PFKFB4: variants seen among roughly 807,000 people sequenced by gnomAD.
The protein encoded by PFKFB4 is 6-phosphofructo-2-kinase/fructose-2,6-bisphosphatase 4.
PFKFB4 carries 42 observed loss-of-function variants against 62.8 expected under a neutral mutation model. That is an observed-to-expected ratio of 0.67 (90% CI 0.52 to 0.86). The LOEUF is 0.86. Ranked by LOEUF, PFKFB4 falls within the 40% of genes least tolerant of loss-of-function variation. The probability of loss-of-function intolerance (pLI) is 0.00; values close to 1 mark genes in which losing one functional copy is unlikely to be tolerated. For missense variants in PFKFB4, 475 were observed against 627.2 expected, an observed-to-expected ratio of 0.76 and a Z score of 2.59; for synonymous variants, 204 against 240.7, an observed-to-expected ratio of 0.85 and a Z score of 1.41.
At chr3:48,528,775 T>C (rs945366092) in intron 9 of PFKFB4, among the ~76,000 whole-genome samples, 1 of 152,176 alleles carries the variant, frequency 6.6e-6, no homozygotes, top group African/African-American at 2.4e-5. Context: ...GGATACATAA[T>C]GTGTGGTATA....
chr3:48,532,726 C>T (rs1313472893), intron 9 of PFKFB4, among the ~76,000 whole-genome samples: 1 of 152,052 alleles, frequency 6.6e-6, no homozygotes, highest in East Asian at 1.9e-4. Flanking sequence ...GTGGTGTGCA[C>T]TTGTTAGTCC....
In PFKFB4 at chr3:48,519,681, AGGGCCT is replaced by A; in HGVS notation, c.*60_*65del. 1 of 1,165,008 alleles carries A rather than the reference AGGGCCT, an allele frequency of 8.6e-7. No homozygotes were observed. The highest frequency in any genetic ancestry group is 1.3e-6 in the Non-Finnish European group (1 of 774,178). 72.2% of individuals were successfully genotyped at this position (1,165,008 alleles called of 1,614,324 possible). A position where few individuals can be genotyped will look rare whatever the true frequency, so the allele number is the denominator to read the frequency against. ...GCATGGTGACTATCACACACACTGG[AGGGCCT>A]GGAATGACCCCCTCTGCAGAGAGCA... On this transcript the variant is annotated 3_prime_UTR_variant, in exon 14 of 14. Coordinates refer to ENST00000232375, the MANE Select transcript of PFKFB4 (RefSeq NM_004567.4).
chr3:48,543,793 C>T lies in PFKFB4; in HGVS notation c.312-147G>A, dbSNP rs889645032. 80 of 690,050 alleles carry T rather than the reference C, an allele frequency of 1.2e-4. No homozygotes were observed. The East Asian group carries it at 2.1e-3, about 19-fold the overall frequency. The allele number at this position is 690,050 out of a possible 1,614,324, so 42.7% of individuals were successfully genotyped here. A position where few individuals can be genotyped will look rare whatever the true frequency, so the allele number is the denominator to read the frequency against. On this transcript the variant is annotated intron_variant, in intron 3 of 13. Coordinates refer to ENST00000232375, the MANE Select transcript of PFKFB4 (RefSeq NM_004567.4). Reference sequence around the variant, plus strand: ...CTTTTCAAAGTTTCCCTTCTCTTTCCTTAGGATAATGTTCAGTGTTTGGCT... The same window carrying T: ...CTTTTCAAAGTTTCCCTTCTCTTTCTTTAGGATAATGTTCAGTGTTTGGCT...
intron 9 of PFKFB4, among the ~76,000 whole-genome samples, chr3:48,531,492 G>A (rs1336476841): frequency 6.7e-6 from 1 of 149,860 alleles, no homozygotes; most frequent in African/African-American, 2.5e-5. Context: ...CCAGGCTGGA[G>A]TGCAGTGGCG....
At chr3:48,546,330 C>T (rs1244226048) in intron 3 of PFKFB4, among the ~76,000 whole-genome samples, 3 of 152,042 alleles carry the variant, frequency 2.0e-5, no homozygotes, top group African/African-American at 4.8e-5. Context: ...CAAGCATATA[C>T]AGAGTATGCA....
chr3:48,546,018 CGT>C (rs145258700), intron 3 of PFKFB4, among the ~76,000 whole-genome samples: 32 of 150,596 alleles, frequency 2.1e-4, no homozygotes, highest in Admixed American at 5.3e-4. Flanking sequence ...TGTGTGTGTG[CGT>C]GTGTGTGTGT....
At position 48,535,594 on chromosome 3, in the gene PFKFB4, C is replaced by G. The variant is rs1258582305; in HGVS notation, c.905G>C (p.Ser302Thr). 6.2e-7 allele frequency: 1 copy of G among 1,613,952 alleles called. No individual in the cohort carries two copies. The highest frequency in any genetic ancestry group is 1.7e-5 in the Admixed American group (1 of 60,000). ...CGTCTGGATTGTCCTCTTCATCTGGCTTGTCCAGACCTTCAGATCCTTGAT... is the reference window on the plus strand; with the variant it reads ...CGTCTGGATTGTCCTCTTCATCTGGGTTGTCCAGACCTTCAGATCCTTGAT... The part of the protein sequence containing the change: ...QNIKDLKVWT[S>T]QMKRTIQTAE... The change falls in exon 9 of 14, where the codon AGC (serine) becomes ACC (threonine). Residue 302 changes from serine to threonine, a missense_variant. Coordinates refer to ENST00000232375, the MANE Select transcript of PFKFB4 (RefSeq NM_004567.4).
chr3:48,553,052 G>T (rs1459817881), intron 1 of PFKFB4, among the ~76,000 whole-genome samples: 1 of 152,192 alleles, frequency 6.6e-6, no homozygotes, highest in East Asian at 1.9e-4. Context: ...GCCAACTGAG[G>T]CACAACAAGG....
At chr3:48,548,067 T>G (rs949616340) in intron 3 of PFKFB4, 5 of 152,180 alleles carry the variant, frequency 3.3e-5, no homozygotes, top group African/African-American at 1.2e-4. Flanking sequence ...TGTTGCAGGG[T>G]GACCTTGGAC....
chr3:48,524,942 G>A (rs2042210599), intron 10 of PFKFB4, among the ~76,000 whole-genome samples: 1 of 152,102 alleles, frequency 6.6e-6, no homozygotes, highest in Non-Finnish European at 1.5e-5. Context: ...GCCAACTCAT[G>A]TGTGGAAGGT....
At chr3:48,524,838 G>A (rs993407886) in intron 10 of PFKFB4, among the ~76,000 whole-genome samples, 4 of 152,182 alleles carry the variant, frequency 2.6e-5, no homozygotes, top group Admixed American at 6.5e-5. Flanking sequence ...GGAAGTGGAA[G>A]GAGATGCCTC....
Position 48,556,368 on chromosome 3 carries a change from C to T in PFKFB4, c.97+313G>A, listed in dbSNP as rs993333008. The T allele has an allele frequency of 3.7e-6, 2 of 542,910 alleles. No individual in the cohort carries two copies. Among genetic ancestry groups the T allele is most frequent in the South Asian group, 1.8e-5 (1 of 54,086 alleles). 33.6% of individuals were successfully genotyped at this position (542,910 alleles called of 1,614,324 possible). A position where few individuals can be genotyped will look rare whatever the true frequency, so the allele number is the denominator to read the frequency against. ...CACAGGGTCCTCCCCAGACTGGGGG[C>T]GATGGGGATTGGAGAGGGAAGCGAG... On this transcript the variant is annotated intron_variant, in intron 1 of 13. Coordinates refer to ENST00000232375, the MANE Select transcript of PFKFB4 (RefSeq NM_004567.4). The surrounding 1 kb of genome is among the most constrained non-coding windows in gnomAD (Gnocchi z 5.7).
At chr3:48,559,720 A>G (rs1001678618), upstream of PFKFB4, 1 of 411,232 alleles carries the variant, frequency 2.4e-6, no homozygotes, top group African/African-American at 2.0e-5. Flanking sequence ...GCCTCTGCCC[A>G]CCATGAACCT....
chr3:48,536,663 C>T, intron 7 of PFKFB4, 200 bp from the exon 8 acceptor site: 1 of 559,436 alleles, frequency 1.8e-6, no homozygotes, highest in Non-Finnish European at 3.2e-6. Flanking sequence ...CAGGCAAACC[C>T]TGTGGGAGAC....
intron 6 of PFKFB4, among the ~76,000 whole-genome samples, chr3:48,538,882 C>T (rs1339560540): frequency 6.6e-6 from 1 of 152,126 alleles, no homozygotes; most frequent in Non-Finnish European, 1.5e-5. Context: ...GAGGCCGTTC[C>T]CCACCCTGAA....
chr3:48,529,559 T>C (rs543868451), intron 9 of PFKFB4, among the ~76,000 whole-genome samples: 1 of 152,322 alleles, frequency 6.6e-6, no homozygotes, highest in Admixed American at 6.5e-5. Context: ...GACACTGTCC[T>C]ATAACCTGCC....
At position 48,549,944 on chromosome 3, in the gene PFKFB4, C is replaced by T. The variant is rs767156326; in HGVS notation, c.231G>A (p.Gln77=). The stretch of plus-strand genomic sequence containing the variant: ...AGGTCTTGACCACGTCCCGGCGATA[C>T]TGGCCAACATTGAACTCTGGAGGGA... The part of the protein sequence containing the change: ...GVPTREFNVG[Q]YRRDVVKTYK... Residue 77 remains glutamine (Q), a synonymous_variant, in exon 3 of 14, where the codon CAG becomes CAA. Transcript: ENST00000232375. The T allele has an allele frequency of 2.5e-6, 4 of 1,613,182 alleles. No individual in the cohort carries two copies. In the Admixed American group the frequency reaches 5.0e-5, roughly 20 times the overall value.
At chr3:48,560,565 T>A (rs2043416812), upstream of PFKFB4, among the ~76,000 whole-genome samples, 1 of 152,158 alleles carries the variant, frequency 6.6e-6, no homozygotes, top group Admixed American at 6.5e-5. Flanking sequence ...CAGAAAGGGT[T>A]CAGAGAGGTT....
At chr3:48,559,683 T>C (rs2043402735), upstream of PFKFB4, 2 of 444,680 alleles carry the variant, frequency 4.5e-6, no homozygotes. Context: ...GGGATGTCTG[T>C]ACACACGTGT....
Sources: allele counts gnomAD v4.1 joint callset (sites outside exome capture counted in the v4.1 genomes callset), GRCh38; gene constraint gnomAD v4.1.1; non-coding constraint Gnocchi (gnomAD v3.1); transcripts MANE v1.5; gene names NCBI Gene and HGNC (gene_info 2026-07-23, HGNC 2026-07-21).